The following ADGB variants were observed in gnomAD, a reference collection of about 807,000 sequenced individuals.
ADGB encodes the protein calpain-7-like protein.
In ADGB, 172 loss-of-function variants were observed where a neutral mutation model predicts 210.5. The observed-to-expected ratio is 0.82, with a 90% CI of 0.72 to 0.93. The LOEUF (loss-of-function observed/expected upper bound fraction) is 0.93, where lower values mean the gene tolerates loss of function less well. Among genes scored for constraint, ADGB ranks in the 40% least tolerant of loss-of-function variants. The probability of loss-of-function intolerance (pLI) is 0.00; values close to 1 mark genes in which losing one functional copy is unlikely to be tolerated. For missense variants in ADGB, 2,025 were observed against 1,964.8 expected (o/e 1.03, Z -0.58); for synonymous variants, 658 against 662.7 (o/e 0.99, Z 0.11).
chr6:146,621,005 T>A (rs1052903578), intron 1 of ADGB, among the ~76,000 whole-genome samples: 1 of 152,146 alleles, frequency 6.6e-6, no homozygotes, highest in Non-Finnish European at 1.5e-5. Context: ...GGGAAGAACT[T>A]ATGTTGAGCA....
In ADGB at chr6:146,672,454, C is replaced by G; in HGVS notation, c.1074C>G (p.Asp358Glu). The G allele has an allele frequency of 6.5e-7, 1 of 1,541,972 alleles. No homozygotes were observed. Among genetic ancestry groups the G allele is most frequent in the Non-Finnish European group, 8.7e-7 (1 of 1,144,034 alleles). The change falls in exon 8 of 36, where the codon GAC (aspartate) becomes GAG (glutamate). Residue 358 changes from aspartate (D) to glutamate (E), a missense_variant. Physicochemically the swap from Asp to Glu is conservative, Grantham distance 45 (BLOSUM62 2). Transcript: ENST00000397944. ...CACTAAAGGCTCCTGAGAAAAGCGA[C>G]AAAGTTCCAAAGGGTAAGATATTTT... ...LTTLKAPEKS[D>E]KVPKEKADAR...
At chr6:146,660,737 G>A (rs932561619) in intron 5 of ADGB, among the ~76,000 whole-genome samples, 1 of 152,018 alleles carries the variant, frequency 6.6e-6, no homozygotes, top group Admixed American at 6.6e-5. Flanking sequence ...CATTTGTACG[G>A]ACTTCTTTTT....
rs1213920287 is a variant in ADGB, at chr6:146,726,083, G to A, written c.2238G>A (p.Gly746=). Reference sequence around the variant, plus strand: ...ATCATCCGGCATCCCTTCTCTTTAGGAGACACATGCTACTCTTCAACGCAT... The same window carrying A: ...ATCATCCGGCATCCCTTCTCTTTAGAAGACACATGCTACTCTTCAACGCAT... The part of the protein sequence containing the change: ...TKATVVRLPV[G]RHMLLFNAYS... Residue 746 remains glycine (G), a splice_region_variant and synonymous_variant, in exon 19 of 36, where the codon GGG becomes GGA. Coordinates refer to ENST00000397944, the MANE Select transcript of ADGB (RefSeq NM_024694.4). 6.6e-7 allele frequency: 1 copy of A among 1,519,566 alleles called. No homozygotes were observed. 94.1% of individuals were successfully genotyped at this position (1,519,566 alleles called of 1,614,324 possible).
intron 29 of ADGB, among the ~76,000 whole-genome samples, chr6:146,773,678 C>T (rs931432426): frequency 1.7e-4 from 26 of 152,110 alleles, no homozygotes; most frequent in African/African-American, 5.6e-4. Flanking sequence ...TGCATAGGTT[C>T]GAAGGAGCAG....
Position 146,635,529 on chromosome 6 carries a change from C to T in ADGB, c.229C>T (p.Pro77Ser), listed in dbSNP as rs765473076. Reference protein sequence around the residue: ...AKEKDKTGKSPVFHFFEDPEG... With the variant: ...AKEKDKTGKSSVFHFFEDPEG... ...AGAAAAGGACAAAACAGGAAAAAGC[C>T]CTGTATTTGTAAGTAGATGTAAATG... Residue 77 changes from proline to serine, a missense_variant, in exon 2 of 36, where the codon CCT becomes TCT. Coordinates refer to ENST00000397944, the MANE Select transcript of ADGB (RefSeq NM_024694.4). The T allele has an allele frequency of 3.0e-5, 46 of 1,530,026 alleles. No individual in the cohort carries two copies. Among genetic ancestry groups the T allele is most frequent in the Non-Finnish European group, 3.9e-5 (44 of 1,137,612 alleles). 94.8% of individuals were successfully genotyped at this position (1,530,026 alleles called of 1,614,324 possible). A position where few individuals can be genotyped will look rare whatever the true frequency, so the allele number is the denominator to read the frequency against.
intron 29 of ADGB, among the ~76,000 whole-genome samples, chr6:146,777,934 T>A (rs1382922238): frequency 6.6e-6 from 1 of 152,184 alleles, no homozygotes; most frequent in Non-Finnish European, 1.5e-5. Context: ...TTACAGGTTA[T>A]CTGTATGATT....
chr6:146,750,074 T>C (rs1463414034), intron 26 of ADGB, among the ~76,000 whole-genome samples: 1 of 151,856 alleles, frequency 6.6e-6, no homozygotes, highest in Admixed American at 6.6e-5. Flanking sequence ...ATAAGGAGAG[T>C]TGTCTGCTTC....
chr6:146,704,512 T>C (rs928520791), intron 13 of ADGB, among the ~76,000 whole-genome samples: 2 of 152,052 alleles, frequency 1.3e-5, no homozygotes, highest in Non-Finnish European at 2.9e-5. Flanking sequence ...GAGGTGACAT[T>C]CCTCTTTTGT....
Position 146,790,599 on chromosome 6 carries a change from C to T in ADGB, c.4537+1989C>T, listed in dbSNP as rs9386167. ...TAAAAAATCCATTCCTCTACTGATG[C>T]GTACTTTGGTCCTTTCAACATATTG... On this transcript the variant is annotated intron_variant, in intron 33 of 35. Transcript: ENST00000397944. Among the ~76,000 whole-genome samples the T allele has an allele frequency of 7.9e-4, 121 of 152,276 alleles. 2 individuals carry two copies. The East Asian group carries it at 0.022, about 28-fold the overall frequency.
At chr6:146,765,592 T>A (rs1777561192) in intron 28 of ADGB, among the ~76,000 whole-genome samples, 1 of 150,776 alleles carries the variant, frequency 6.6e-6, no homozygotes, top group Non-Finnish European at 1.5e-5. Context: ...ATAATAAAAC[T>A]AAATAAAATA....
rs183763237 is a variant in ADGB, at chr6:146,672,323, T to C, written c.943T>C (p.Ser315Pro). The C allele has an allele frequency of 6.4e-7, 1 of 1,551,116 alleles. No homozygotes were observed. The highest frequency in any genetic ancestry group is 8.7e-7 in the Non-Finnish European group (1 of 1,146,786). Residue 315 changes from serine to proline, a missense_variant, in exon 8 of 36, where the codon TCT becomes CCT. Transcript: ENST00000397944. ...SSESKIAVLD[S>P]KLKEPGKEGK... ...TGAAAGCAAAATAGCAGTGTTAGAT[T>C]CTAAATTAAAAGAACCAGGGAAAGA...
intron 22 of ADGB, among the ~76,000 whole-genome samples, chr6:146,735,411 T>G (rs1334316513): frequency 6.6e-6 from 1 of 150,696 alleles, no homozygotes; most frequent in Non-Finnish European, 1.5e-5. Context: ...GAGAGAGAGA[T>G]AAAGGAGGGA....
At chr6:146,786,537 G>A (rs1777876994) in intron 32 of ADGB, among the ~76,000 whole-genome samples, 2 of 152,094 alleles carry the variant, frequency 1.3e-5, no homozygotes, top group Admixed American at 1.3e-4. Flanking sequence ...GTTATCCTGG[G>A]ATAGGCAAAG....
At chr6:146,720,723 G>A (rs565151304) in intron 16 of ADGB, among the ~76,000 whole-genome samples, 2 of 151,290 alleles carry the variant, frequency 1.3e-5, no homozygotes, top group Non-Finnish European at 2.9e-5. Flanking sequence ...GGCAGAACAG[G>A]AGAGAGAGAG....
intron 12 of ADGB, among the ~76,000 whole-genome samples, chr6:146,695,419 G>A (rs548495782): frequency 3.6e-4 from 55 of 152,072 alleles, no homozygotes; most frequent in Non-Finnish European, 7.1e-4. Context: ...GTAACAATTG[G>A]ATATTTAACA....
At chr6:146,757,160 A>G (rs1777419537) in intron 27 of ADGB, among the ~76,000 whole-genome samples, 1 of 152,070 alleles carries the variant, frequency 6.6e-6, no homozygotes, top group Admixed American at 6.6e-5. Flanking sequence ...ATTTACTTTT[A>G]CCAAGTGTTT....
At chr6:146,733,572 A>G (rs1412628138) in intron 21 of ADGB, among the ~76,000 whole-genome samples, 4 of 152,196 alleles carry the variant, frequency 2.6e-5, no homozygotes, top group Non-Finnish European at 5.9e-5. Flanking sequence ...CTCTGACTCA[A>G]GTAACCCTAC....
Position 146,773,989 on chromosome 6 carries a change from C to T in ADGB, c.3862+4858C>T, listed in dbSNP as rs577864674. On this transcript the variant is annotated intron_variant, in intron 29 of 35. Transcript: ENST00000397944. ...AAGAAACTTGCTCTCAGTCACACAGCTAGTGACTGGCACAGCTGAGAATCT... is the reference window on the plus strand; with the variant it reads ...AAGAAACTTGCTCTCAGTCACACAGTTAGTGACTGGCACAGCTGAGAATCT... Among the ~76,000 whole-genome samples the T allele has an allele frequency of 1.3e-4, 20 of 152,268 alleles. 1 individual carries two copies. In the South Asian group the frequency reaches 3.5e-3, roughly 27 times the overall value.
At position 146,635,554 on chromosome 6, in the gene ADGB, G is replaced by A. The variant is rs1775405984; in HGVS notation, c.237+17G>A. 3 of 1,487,246 alleles carry A rather than the reference G, an allele frequency of 2.0e-6. No homozygotes were observed. Among genetic ancestry groups the A allele is most frequent in the Non-Finnish European group, 2.7e-6 (3 of 1,116,322 alleles). 92.1% of individuals were successfully genotyped at this position (1,487,246 alleles called of 1,614,324 possible). On this transcript the variant is annotated intron_variant, in intron 2 of 35. Coordinates refer to ENST00000397944, the MANE Select transcript of ADGB (RefSeq NM_024694.4). ...CCTGTATTTGTAAGTAGATGTAAAT[G>A]TGACTAGGTTTCATTTTGGTTTTTA...
Sources: gnomAD v4.1 joint callset for allele counts (sites outside exome capture counted in the v4.1 genomes callset) on GRCh38, gnomAD v4.1.1 for gene constraint, MANE v1.5 for transcripts, NCBI Gene and HGNC (gene_info 2026-07-23, HGNC 2026-07-21) for gene names.